The following COPS4 variants were observed in gnomAD, a reference collection of about 807,000 sequenced individuals.
The protein encoded by COPS4 is COP9 signalosome subunit 4, also known as COP9 signalosome complex subunit 4.
In COPS4, 8 loss-of-function variants were observed where a neutral mutation model predicts 55.1. The ratio of observed to expected loss-of-function variants is 0.15; its 90% CI spans 0.09 to 0.26. The LOEUF is 0.26. Ranked by LOEUF, COPS4 falls within the 10% of genes least tolerant of loss-of-function variation. The pLI is 1.00. For missense variants in COPS4, 248 were observed against 484.0 expected (o/e 0.51, Z 4.58); for synonymous variants, 185 against 165.7 (o/e 1.12, Z -0.90).
chr4:83,061,055 A>G (rs1578716720), intron 6 of COPS4, among the ~76,000 whole-genome samples: 1 of 151,840 alleles, frequency 6.6e-6, no homozygotes, highest in East Asian at 1.9e-4. Context: ...TAATAATAAT[A>G]ATAATAATCC....
At chr4:83,066,616 G>T (rs1428706180) in intron 8 of COPS4, 63 bp downstream of exon 8, 2 of 732,320 alleles carry the variant, frequency 2.7e-6, no homozygotes, top group African/African-American at 3.8e-5. Flanking sequence ...AAAATAATGA[G>T]AAAATAAAAT....
intron 9 of COPS4, among the ~76,000 whole-genome samples, chr4:83,073,559 AT>A (rs1388663795): frequency 1.3e-5 from 2 of 152,134 alleles, no homozygotes; most frequent in Non-Finnish European, 2.9e-5. Context: ...CTTTAAATTT[AT>A]TTATTAAAGG....
At chr4:83,045,768 C>A in intron 2 of COPS4, 63 bp downstream of exon 2, 1 of 1,046,762 alleles carries the variant, frequency 9.6e-7, no homozygotes. Context: ...AAAGTTCTCT[C>A]AAGCCTTGTT....
Position 83,075,483 on chromosome 4 carries a change from A to C in COPS4, c.*53A>C, listed in dbSNP as rs1731549385. On this transcript the variant is annotated 3_prime_UTR_variant, in exon 10 of 10. Coordinates refer to ENST00000264389, the MANE Select transcript of COPS4 (RefSeq NM_016129.3). ...CATCTTTTTCCATGTTGTGCAGATC[A>C]GTTTCACTATCTCCAAAGCATTTGC... The C allele has an allele frequency of 6.3e-7, 1 of 1,599,420 alleles. No homozygotes were observed. The highest frequency in any genetic ancestry group is 1.7e-5 in the Admixed American group (1 of 58,386).
chr4:83,056,856 A>G (rs1731027682), intron 4 of COPS4, 70 bp from the exon 5 acceptor site: 2 of 1,272,530 alleles, frequency 1.6e-6, no homozygotes, highest in Non-Finnish European at 2.2e-6. Context: ...AAAACAACAT[A>G]TCTTCTATTA....
At chr4:83,054,346 A>G (rs995218886) in intron 4 of COPS4, among the ~76,000 whole-genome samples, 3 of 151,840 alleles carry the variant, frequency 2.0e-5, no homozygotes, top group Non-Finnish European at 4.4e-5. Context: ...CATCTCAAAA[A>G]CAAAACAAAA....
intron 9 of COPS4, among the ~76,000 whole-genome samples, chr4:83,071,574 A>G (rs1731433134): frequency 6.6e-6 from 1 of 151,994 alleles, no homozygotes; most frequent in African/African-American, 2.4e-5. Context: ...AGGTGTACAC[A>G]CCGCACCTGG....
intron 1 of COPS4, among the ~76,000 whole-genome samples, chr4:83,043,537 A>AC (rs1578704020): frequency 6.7e-6 from 1 of 150,228 alleles, no homozygotes; most frequent in Non-Finnish European, 1.5e-5. Context: ...AAAAAAAAAA[A>AC]AAAAAAAAAC....
intron 2 of COPS4, among the ~76,000 whole-genome samples, chr4:83,048,787 G>A (rs185130432): frequency 6.6e-6 from 1 of 152,052 alleles, no homozygotes; most frequent in East Asian, 1.9e-4. Context: ...GACTACAGGT[G>A]CCCACCACCA....
intron 9 of COPS4, among the ~76,000 whole-genome samples, chr4:83,070,925 T>C (rs529474053): frequency 1.5e-4 from 23 of 152,256 alleles, no homozygotes; most frequent in African/African-American, 5.5e-4. Context: ...CTTGCATAAG[T>C]CTTCTTTTTA....
chr4:83,053,907 A>T (rs1029037565), intron 4 of COPS4, among the ~76,000 whole-genome samples: 8 of 151,678 alleles, frequency 5.3e-5, no homozygotes, highest in African/African-American at 1.9e-4. Context: ...TATGTTTTTT[A>T]AAATTTATAG....
Position 83,068,303 on chromosome 4 carries a change from CTCT to C in COPS4, c.1003-131_1003-129del, listed in dbSNP as rs1731338190. 2.0e-4 allele frequency: 121 copies of C among 614,556 alleles called. 1 individual carries two copies. In the South Asian group the frequency reaches 2.3e-3, roughly 12 times the overall value. The allele number at this position is 614,556 out of a possible 1,614,324, so 38.1% of individuals were successfully genotyped here. A position where few individuals can be genotyped will look rare whatever the true frequency, so the allele number is the denominator to read the frequency against. ...GAAATAGCCAGATTTACAAGATTTA[CTCT>C]TCTAGTGGCAGATTAATGTATATGT... On this transcript the variant is annotated intron_variant, in intron 8 of 9. Coordinates refer to ENST00000264389, the MANE Select transcript of COPS4 (RefSeq NM_016129.3).
intron 9 of COPS4, 143 bp from the exon 10 acceptor site, chr4:83,075,154 A>G: frequency 1.5e-6 from 1 of 662,600 alleles, no homozygotes; most frequent in South Asian, 2.2e-5. Flanking sequence ...TTTTTTTTGA[A>G]TAGCTTTTTT....
chr4:83,049,479 T>G, intron 3 of COPS4, 162 bp downstream of exon 3: 1 of 585,714 alleles, frequency 1.7e-6, no homozygotes, highest in East Asian at 3.3e-5. Flanking sequence ...AATATTAGGT[T>G]GTTACAACTC....
intron 1 of COPS4, among the ~76,000 whole-genome samples, chr4:83,045,061 GC>G (rs1730672546): frequency 6.6e-6 from 1 of 152,130 alleles, no homozygotes; most frequent in Admixed American, 6.5e-5. Context: ...AGTGCATTTG[GC>G]TTGGCGAAGT....
chr4:83,066,254 A>G (rs1731289920), intron 7 of COPS4, among the ~76,000 whole-genome samples, 184 bp from the exon 8 acceptor site: 1 of 152,212 alleles, frequency 6.6e-6, no homozygotes, highest in East Asian at 1.9e-4. Flanking sequence ...CATTTGCTAA[A>G]TGTTATTTTT....
intron 9 of COPS4, among the ~76,000 whole-genome samples, chr4:83,069,752 A>C (rs1731373799): frequency 6.6e-6 from 1 of 152,060 alleles, no homozygotes; most frequent in Non-Finnish European, 1.5e-5. Flanking sequence ...ATGTAGAAAC[A>C]CTTTAATTTT....
intron 3 of COPS4, 113 bp downstream of exon 3, chr4:83,049,430 C>G (rs780973218): frequency 2.8e-5 from 27 of 966,694 alleles, no homozygotes; most frequent in Non-Finnish European, 4.0e-5. Flanking sequence ...TTTGACAAAA[C>G]AGTGTGCCAA....
Position 83,066,528 on chromosome 4 carries a change from C to T in COPS4, c.977C>T (p.Ala326Val). The change falls in exon 8 of 10, where the codon GCT becomes GTT. Residue 326 changes from alanine (A) to valine (V), a missense_variant. Physicochemically the swap from Ala to Val is moderately conservative, Grantham distance 64. Transcript: ENST00000264389. ...YNNITFEELG[A>V]LLEIPAAKAE... ...AATATTACCTTCGAAGAACTTGGAG[C>T]TCTTTTAGAGATCCCTGCAGCTAAG... is the stretch of plus-strand genomic sequence containing the variant. 6.3e-7 allele frequency: 1 copy of T among 1,590,134 alleles called. No homozygotes were observed. The highest frequency in any genetic ancestry group is 8.6e-7 in the Non-Finnish European group (1 of 1,166,138).
Sources: gnomAD v4.1 joint callset for allele counts (sites outside exome capture counted in the v4.1 genomes callset) on GRCh38, gnomAD v4.1.1 for gene constraint, MANE v1.5 for transcripts, NCBI Gene and HGNC (gene_info 2026-07-23, HGNC 2026-07-21) for gene names.